LIMCH1: variants seen among roughly 807,000 people sequenced by gnomAD.
LIMCH1 encodes the protein LIM and calponin homology domains-containing protein 1.
Under a neutral mutation model 176.5 loss-of-function variants are expected in LIMCH1, and 113 were observed. The ratio of observed to expected loss-of-function variants is 0.64; its 90% CI spans 0.55 to 0.75. The LOEUF (loss-of-function observed/expected upper bound fraction) is 0.75, where lower values mean the gene tolerates loss of function less well. LIMCH1 is among the 30% of genes least tolerant of loss of function. The pLI is 0.00. For missense variants in LIMCH1, 1,674 were observed against 1,814.9 expected, an observed-to-expected ratio of 0.92 and a Z score of 1.41; for synonymous variants, 619 against 645.9, an observed-to-expected ratio of 0.96 and a Z score of 0.63.
chr4:41,615,172 C>G (rs2091927216), intron 5 of LIMCH1, among the ~76,000 whole-genome samples: 1 of 152,160 alleles, frequency 6.6e-6, no homozygotes, highest in Non-Finnish European at 1.5e-5. Flanking sequence ...ATTTACTTTT[C>G]CAAAACATGT....
rs1381945781 is a variant in LIMCH1, at chr4:41,500,256, T to C, written c.167+5650T>C. On this transcript the variant is annotated intron_variant, in intron 2 of 26. Transcript: ENST00000313860. The stretch of plus-strand genomic sequence containing the variant: ...ATCCAATGGCTTTAGTATCTATTGA[T>C]GATACTTTCCTGAATCAGTCATTAC... Among the ~76,000 whole-genome samples the C allele has an allele frequency of 2.0e-5, 3 of 152,258 alleles. No homozygotes were observed. The East Asian group carries it at 5.8e-4, about 29-fold the overall frequency.
intron 1 of LIMCH1, among the ~76,000 whole-genome samples, chr4:41,428,003 A>AT (rs2061272376): frequency 6.6e-6 from 1 of 152,114 alleles, no homozygotes; most frequent in Non-Finnish European, 1.5e-5. Flanking sequence ...GTATTCAGCA[A>AT]TAAAAAAAAA....
intron 1 of LIMCH1, among the ~76,000 whole-genome samples, chr4:41,592,692 C>T (rs7676211): frequency 1.3e-5 from 2 of 152,038 alleles, no homozygotes; most frequent in Non-Finnish European, 1.5e-5. Context: ...TTTGACATCC[C>T]CACAGGTCGA....
chr4:41,535,864 CT>C (rs929514064), upstream of LIMCH1, among the ~76,000 whole-genome samples: 3 of 151,928 alleles, frequency 2.0e-5, no homozygotes, highest in African/African-American at 4.8e-5. Flanking sequence ...TGCTGTAAAG[CT>C]TTTTTTTCCC....
intron 1 of LIMCH1, among the ~76,000 whole-genome samples, chr4:41,540,342 T>C (rs2078462926): frequency 6.6e-6 from 1 of 152,120 alleles, no homozygotes; most frequent in South Asian, 2.1e-4. Context: ...TGGGACCCTT[T>C]GAGATTTTGG....
At chr4:41,494,444 T>TAC in intron 1 of LIMCH1, 2 of 804,312 alleles carry the variant, frequency 2.5e-6, no homozygotes, top group South Asian at 1.6e-5. Context: ...TATATATATG[T>TAC]ACACACACAT....
chr4:41,528,044 C>T (rs1349994641), intron 3 of LIMCH1, among the ~76,000 whole-genome samples: 2 of 151,966 alleles, frequency 1.3e-5, no homozygotes, highest in African/African-American at 2.4e-5. Context: ...TTCCTGTATG[C>T]GATAGCTATC....
At chr4:41,422,492 A>G (rs2060695866) in intron 1 of LIMCH1, among the ~76,000 whole-genome samples, 1 of 151,804 alleles carries the variant, frequency 6.6e-6, no homozygotes, top group Non-Finnish European at 1.5e-5. Flanking sequence ...CAGGCCAGGT[A>G]TGGTATCACC....
At chr4:41,433,513 G>A (rs1259131448) in intron 1 of LIMCH1, among the ~76,000 whole-genome samples, 1 of 152,106 alleles carries the variant, frequency 6.6e-6, no homozygotes, top group African/African-American at 2.4e-5. Context: ...TGGGCTGGAA[G>A]GTCCAAGACA....
In LIMCH1 at chr4:41,662,905, A is replaced by G. The variant is rs1226614916; in HGVS notation, c.3212A>G (p.Asn1071Ser). ...TTTCCCTCCAGCCCCCAGCTGAAGA[A>G]TGATGTGTCGGAAGAAAAAGACCAG... ...VEFPSSPQLK[N>S]DVSEEKDQKK... is the part of the protein sequence containing the mutation. The change falls in exon 20 of 32, where the codon AAT (asparagine) becomes AGT (serine). Residue 1071 changes from asparagine to serine, a missense_variant. Around this residue, in one of 3 missense-constraint regions of LIMCH1, gnomAD observed 1,015 missense variants for 1,102.5 expected, o/e 0.92. Transcript: ENST00000503057. 6 of 1,613,910 alleles carry G rather than the reference A, an allele frequency of 3.7e-6. No individual in the cohort carries two copies. The highest frequency in any genetic ancestry group is 5.1e-6 in the Non-Finnish European group (6 of 1,179,994).
chr4:41,491,461 G>T (rs929924764), intron 1 of LIMCH1, among the ~76,000 whole-genome samples: 2 of 150,688 alleles, frequency 1.3e-5, no homozygotes, highest in African/African-American at 4.9e-5. Flanking sequence ...CCTAGATGGG[G>T]TGGCGACCGG....
intron 1 of LIMCH1, among the ~76,000 whole-genome samples, chr4:41,493,452 A>T (rs900392303): frequency 6.4e-5 from 9 of 140,592 alleles, no homozygotes; most frequent in East Asian, 2.0e-4. Context: ...CAAAAATATT[A>T]AAAAAAAAAA....
chr4:41,688,284 C>A (rs1465346845), intron 29 of LIMCH1, among the ~76,000 whole-genome samples: 1 of 152,220 alleles, frequency 6.6e-6, no homozygotes, highest in Non-Finnish European at 1.5e-5. Context: ...ATGGCTCTTA[C>A]AGAGAACCAG....
intron 1 of LIMCH1, among the ~76,000 whole-genome samples, chr4:41,541,668 C>T (rs577887331): frequency 7.2e-5 from 11 of 152,314 alleles, no homozygotes; most frequent in Admixed American, 1.3e-4. Flanking sequence ...ATCCCAGTGG[C>T]TGGATTAATT....
intron 1 of LIMCH1, among the ~76,000 whole-genome samples, chr4:41,422,113 A>G (rs2060653443): frequency 6.6e-6 from 1 of 152,094 alleles, no homozygotes; most frequent in Non-Finnish European, 1.5e-5. Context: ...TAAACAAACA[A>G]CAGAGAGTGA....
chr4:41,548,806 C>T (rs969731145), intron 1 of LIMCH1, among the ~76,000 whole-genome samples: 4 of 152,060 alleles, frequency 2.6e-5, no homozygotes, highest in Non-Finnish European at 4.4e-5. Context: ...AATTCCATCA[C>T]CCCTAGAGGC....
At chr4:41,504,789 G>T (rs1318838698) in intron 2 of LIMCH1, among the ~76,000 whole-genome samples, 1 of 152,158 alleles carries the variant, frequency 6.6e-6, no homozygotes, top group Non-Finnish European at 1.5e-5. Context: ...ACAAAAGCCA[G>T]TTCAAACCCT....
chr4:41,517,121 G>C (rs2075656699), intron 2 of LIMCH1, among the ~76,000 whole-genome samples: 1 of 152,202 alleles, frequency 6.6e-6, no homozygotes, highest in Non-Finnish European at 1.5e-5. Context: ...CCAGCTAATA[G>C]AGACTCCATC....
chr4:41,599,730 A>G (rs1463845963), intron 2 of LIMCH1, among the ~76,000 whole-genome samples: 1 of 152,206 alleles, frequency 6.6e-6, no homozygotes, highest in Non-Finnish European at 1.5e-5. Context: ...AATGTTTGAC[A>G]TGGATATGCC....
Sources: allele counts gnomAD v4.1 joint callset (sites outside exome capture counted in the v4.1 genomes callset), GRCh38; gene constraint gnomAD v4.1.1; regional missense constraint gnomAD v4.1.1; transcripts MANE v1.5; gene names NCBI Gene and HGNC (gene_info 2026-07-23, HGNC 2026-07-21).